The following PTPRD variants were observed in gnomAD, a reference collection of about 807,000 sequenced individuals.
The protein encoded by PTPRD is receptor-type tyrosine-protein phosphatase delta.
In PTPRD, 34 loss-of-function variants were observed where a neutral mutation model predicts 214.5. The observed-to-expected ratio is 0.16, with a 90% confidence interval of 0.12 to 0.21. The LOEUF (loss-of-function observed/expected upper bound fraction) is 0.21. Ranked by LOEUF, PTPRD falls within the 10% of genes least tolerant of loss-of-function variation. PTPRD has a pLI of 1.00. For synonymous variants in PTPRD, 1,128 were observed against 845.7 expected, an observed-to-expected ratio of 1.33 and a Z score of -5.79; for missense variants, 2,545 against 2,398.7, an observed-to-expected ratio of 1.06 and a Z score of -1.27.
intron 10 of PTPRD, among the ~76,000 whole-genome samples, chr9:9,093,505 C>G (rs2099779202): frequency 6.6e-6 from 1 of 151,776 alleles, no homozygotes; most frequent in Non-Finnish European, 1.5e-5. Context: ...ATAACATATT[C>G]AAGCAGAAAT....
chr9:9,070,538 T>C (rs540422337), intron 10 of PTPRD, among the ~76,000 whole-genome samples: 35 of 152,194 alleles, frequency 2.3e-4, no homozygotes, highest in African/African-American at 6.0e-4. Context: ...ATTTTGCCCA[T>C]TTGAAAAAAG....
chr9:8,876,420 A>G (rs1362670669), intron 11 of PTPRD, among the ~76,000 whole-genome samples: 2 of 152,140 alleles, frequency 1.3e-5, no homozygotes, highest in Non-Finnish European at 2.9e-5. Flanking sequence ...CAGGAATGTG[A>G]TTTTCTGTGG....
chr9:9,887,399 C>T (rs1044432412), intron 5 of PTPRD, among the ~76,000 whole-genome samples: 5 of 152,016 alleles, frequency 3.3e-5, no homozygotes, highest in Non-Finnish European at 4.4e-5. Flanking sequence ...AGTGAAAATG[C>T]AAAGGATACA....
intron 11 of PTPRD, among the ~76,000 whole-genome samples, chr9:8,874,685 A>G (rs1208757080): frequency 6.6e-6 from 1 of 152,218 alleles, no homozygotes; most frequent in African/African-American, 2.4e-5. Flanking sequence ...TTCTGTTAAT[A>G]GCTGCATGTC....
At chr9:8,557,765 AAAG>A (rs2084507506) in intron 14 of PTPRD, among the ~76,000 whole-genome samples, 1 of 133,678 alleles carries the variant, frequency 7.5e-6, no homozygotes, top group African/African-American at 3.4e-5. Flanking sequence ...AAAAAAAAAA[AAAG>A]AAAAACAAAA....
intron 2 of PTPRD, among the ~76,000 whole-genome samples, chr9:10,388,045 A>C (rs911808287): frequency 4.0e-4 from 60 of 151,730 alleles, no homozygotes; most frequent in Admixed American, 3.0e-3. Flanking sequence ...TCATTCCTTC[A>C]GACAACACAA....
At chr9:8,439,375 ACTT>A (rs948666048) in intron 34 of PTPRD, among the ~76,000 whole-genome samples, 3 of 152,208 alleles carry the variant, frequency 2.0e-5, no homozygotes, top group Admixed American at 6.5e-5. Flanking sequence ...TATAGACAGA[ACTT>A]CTGAACAGAG....
chr9:8,987,704 G>A (rs1342747556), intron 11 of PTPRD, among the ~76,000 whole-genome samples: 4 of 152,104 alleles, frequency 2.6e-5, no homozygotes, highest in Non-Finnish European at 2.9e-5. Context: ...TTTAACACGG[G>A]TAGCACCACA....
chr9:9,837,518 G>C (rs2057117544), intron 5 of PTPRD, among the ~76,000 whole-genome samples: 1 of 152,112 alleles, frequency 6.6e-6, no homozygotes, highest in Non-Finnish European at 1.5e-5. Context: ...GGGCCATATA[G>C]CTGAAGATAG....
intron 11 of PTPRD, among the ~76,000 whole-genome samples, chr9:8,773,227 A>G (rs1263152138): frequency 1.3e-5 from 2 of 152,104 alleles, no homozygotes; most frequent in African/African-American, 4.8e-5. Context: ...TTGAATATCA[A>G]CCAGAGAGGA....
intron 10 of PTPRD, among the ~76,000 whole-genome samples, chr9:9,114,979 T>C (rs550109937): frequency 2.0e-4 from 31 of 152,170 alleles, no homozygotes; most frequent in African/African-American, 5.8e-4. Context: ...GTTATCTACA[T>C]TTCATGGTTG....
rs190570476 is a variant in PTPRD at position 8,967,870 on chromosome 9, A to G, written c.-104+50827T>C. ...TGCATCCATTAACTCGTCATTTAGCATTAGGTATATCTCCTAAAGCTATCC... is the reference window on the plus strand; with the variant it reads ...TGCATCCATTAACTCGTCATTTAGCGTTAGGTATATCTCCTAAAGCTATCC... On this transcript the variant is annotated intron_variant, in intron 11 of 45. Transcript: ENST00000381196. Among the ~76,000 whole-genome samples, 232 of 152,180 alleles carry G rather than the reference A, an allele frequency of 1.5e-3. 2 individuals are homozygous for G. Among genetic ancestry groups the G allele is most frequent in the African/African-American group, 5.3e-3 (220 of 41,526 alleles).
chr9:9,690,720 C>G (rs943436302), intron 7 of PTPRD, among the ~76,000 whole-genome samples: 13 of 151,752 alleles, frequency 8.6e-5, no homozygotes, highest in Non-Finnish European at 1.9e-4. Context: ...ATTGAAGAGC[C>G]TGTTATTTTG....
chr9:9,278,031 T>C (rs1002314811), intron 9 of PTPRD, among the ~76,000 whole-genome samples: 2 of 151,450 alleles, frequency 1.3e-5, no homozygotes, highest in Admixed American at 6.6e-5. Context: ...ACTAAAGTGT[T>C]AATAAATAAG....
intron 2 of PTPRD, among the ~76,000 whole-genome samples, chr9:10,539,484 C>T (rs2058623137): frequency 6.6e-6 from 1 of 152,190 alleles, no homozygotes; most frequent in African/African-American, 2.4e-5. Context: ...CACGCCTGGC[C>T]TGTTTATCAT....
intron 10 of PTPRD, among the ~76,000 whole-genome samples, chr9:9,151,097 G>C (rs2099876375): frequency 6.6e-6 from 1 of 152,122 alleles, no homozygotes; most frequent in South Asian, 2.1e-4. Context: ...ATATATTTAG[G>C]GGTAGGAATG....
intron 9 of PTPRD, among the ~76,000 whole-genome samples, chr9:9,333,943 C>T (rs2043383219): frequency 6.6e-6 from 1 of 151,868 alleles, no homozygotes; most frequent in Admixed American, 6.6e-5. Flanking sequence ...TCTCTTCGAT[C>T]CTCAATGTCG....
At chr9:9,992,137 T>A (rs1442554635) in intron 4 of PTPRD, among the ~76,000 whole-genome samples, 1 of 152,172 alleles carries the variant, frequency 6.6e-6, no homozygotes, top group Non-Finnish European at 1.5e-5. Flanking sequence ...AAAGTTTCTT[T>A]CTTGGAGTGA....
intron 8 of PTPRD, among the ~76,000 whole-genome samples, chr9:9,432,659 C>T (rs72702597): frequency 0.073 from 11,079 of 152,192 alleles, 458 homozygotes; most frequent in Middle Eastern, 0.17. Context: ...TTTGTTCAAA[C>T]AGAAATTAGC....
Sources: allele counts gnomAD v4.1 joint callset (sites outside exome capture counted in the v4.1 genomes callset), GRCh38; gene constraint gnomAD v4.1.1; transcripts MANE v1.5; gene names NCBI Gene and HGNC (gene_info 2026-07-23, HGNC 2026-07-21).